Variants in SNX25 observed in about 807,000 individuals in gnomAD.
SNX25 encodes the protein sorting nexin-25.
Under a neutral mutation model 113.7 loss-of-function variants are expected in SNX25, and 62 were observed. The ratio of observed to expected loss-of-function variants is 0.55; its 90% CI spans 0.44 to 0.67. SNX25 has a LOEUF of 0.67. SNX25 is among the 30% of genes least tolerant of loss of function. The pLI, the probability that SNX25 is intolerant of heterozygous loss-of-function variation, is 0.00. For synonymous variants in SNX25, 421 were observed against 436.2 expected (o/e 0.97, Z 0.43); for missense variants, 1,014 against 1,161.0 (o/e 0.87, Z 1.84).
chr4:185,221,018 C>T (rs1739752163), intron 1 of SNX25, among the ~76,000 whole-genome samples: 1 of 151,796 alleles, frequency 6.6e-6, no homozygotes, highest in Admixed American at 6.6e-5. Flanking sequence ...AGGTGGGTGC[C>T]ACCACACCCA....
intron 7 of SNX25, among the ~76,000 whole-genome samples, chr4:185,314,936 A>G (rs867235161): frequency 6.6e-6 from 1 of 151,270 alleles, no homozygotes; most frequent in African/African-American, 2.4e-5. Flanking sequence ...ATAATAATCT[A>G]AAACCTTCCC....
chr4:185,220,701 C>T (rs112933308), intron 1 of SNX25, among the ~76,000 whole-genome samples: 2 of 151,850 alleles, frequency 1.3e-5, no homozygotes, highest in Non-Finnish European at 2.9e-5. Flanking sequence ...AGGATGGTCT[C>T]GATCTCCTGA....
At chr4:185,207,135 C>T (rs193139209), upstream of SNX25, among the ~76,000 whole-genome samples, 33 of 152,128 alleles carry the variant, frequency 2.2e-4, no homozygotes, top group Admixed American at 2.0e-3. Context: ...TGGGAAACAC[C>T]CAGAAATAAT....
intron 7 of SNX25, among the ~76,000 whole-genome samples, chr4:185,319,123 A>G (rs1277887661): frequency 1.1e-4 from 14 of 128,772 alleles, no homozygotes; most frequent in African/African-American, 3.8e-4. Flanking sequence ...TAAAGGACAT[A>G]TCATATTTAT....
At chr4:185,308,831 T>G (rs1386694520) in intron 6 of SNX25, among the ~76,000 whole-genome samples, 1 of 152,186 alleles carries the variant, frequency 6.6e-6, no homozygotes, top group African/African-American at 2.4e-5. Flanking sequence ...TCCCATGATG[T>G]CATTTACTAT....
chr4:185,339,852 A>G (rs2095250956), intron 11 of SNX25, among the ~76,000 whole-genome samples: 1 of 152,234 alleles, frequency 6.6e-6, no homozygotes, highest in African/African-American at 2.4e-5. Context: ...TGAAAAACTA[A>G]AAATGTAAGT....
chr4:185,333,487 G>A (rs2095209575), intron 10 of SNX25, among the ~76,000 whole-genome samples: 1 of 152,140 alleles, frequency 6.6e-6, no homozygotes, highest in South Asian at 2.1e-4. Flanking sequence ...TCTTTTTGTG[G>A]ACATTCAAAT....
intron 3 of SNX25, among the ~76,000 whole-genome samples, 164 bp from the exon 4 acceptor site, chr4:185,264,274 C>G (rs1381443063): frequency 6.6e-6 from 1 of 152,290 alleles, no homozygotes; most frequent in East Asian, 1.9e-4. Context: ...TTTATTCTAG[C>G]AAAAGTTTTC....
At chr4:185,247,150 A>C in intron 1 of SNX25, 144 bp from the exon 2 acceptor site, 1 of 576,208 alleles carries the variant, frequency 1.7e-6, no homozygotes, top group Non-Finnish European at 3.0e-6. Flanking sequence ...TTAAGCATTT[A>C]TTTACTTTTG....
chr4:185,221,772 G>A (rs1739899672), intron 1 of SNX25, among the ~76,000 whole-genome samples: 1 of 117,774 alleles, frequency 8.5e-6, no homozygotes, highest in Non-Finnish European at 1.8e-5. Flanking sequence ...TTTTCTGTCT[G>A]TAGGGACTTT....
chr4:185,378,536 G>A, the SNX25 span: 1 of 1,042,660 alleles, frequency 9.6e-7, no homozygotes, highest in Non-Finnish European at 1.2e-6. Flanking sequence ...GTGGGACCTG[G>A]TGACACTGCC....
At chr4:185,259,835 G>C (rs1747024823) in intron 3 of SNX25, among the ~76,000 whole-genome samples, 1 of 152,138 alleles carries the variant, frequency 6.6e-6, no homozygotes, top group Non-Finnish European at 1.5e-5. Flanking sequence ...GTATTTAGAT[G>C]GTGTCCCCCT....
intron 1 of SNX25, among the ~76,000 whole-genome samples, chr4:185,223,638 G>A (rs773338699): frequency 3.7e-4 from 56 of 152,098 alleles, no homozygotes; most frequent in Non-Finnish European, 6.6e-4. Context: ...AAAATTAGCC[G>A]GGCGTGGTGG....
intron 1 of SNX25, among the ~76,000 whole-genome samples, chr4:185,222,982 G>C (rs139285103): frequency 9.2e-5 from 14 of 152,172 alleles, no homozygotes; most frequent in South Asian, 4.1e-4. Flanking sequence ...GATGTTAAGT[G>C]GTAGCTTTTA....
chr4:185,222,419 G>A (rs953165230), intron 1 of SNX25, among the ~76,000 whole-genome samples: 3 of 151,298 alleles, frequency 2.0e-5, no homozygotes, highest in African/African-American at 7.3e-5. Flanking sequence ...CTCCCTCTCG[G>A]TAGGTATTCA....
intron 6 of SNX25, among the ~76,000 whole-genome samples, chr4:185,291,284 A>G (rs924580813): frequency 6.6e-6 from 1 of 152,180 alleles, no homozygotes; most frequent in Admixed American, 6.5e-5. Context: ...ACTGTTCTGT[A>G]GCCATCATTA....
At chr4:185,247,228 A>AT (rs550563470) in intron 1 of SNX25, 66 bp from the exon 2 acceptor site, 15,004 of 915,540 alleles carry the variant, frequency 0.016, no homozygotes, top group Middle Eastern at 0.018. Flanking sequence ...CATACCTTTG[A>AT]TTTTTTTTTT....
chr4:185,208,512 G>A (rs1486089317), upstream of SNX25, among the ~76,000 whole-genome samples: 1 of 151,684 alleles, frequency 6.6e-6, no homozygotes, highest in Admixed American at 6.6e-5. Context: ...GGCGGATCAC[G>A]AGGTCAGGAG....
intron 10 of SNX25, among the ~76,000 whole-genome samples, chr4:185,335,940 G>T (rs1309209045): frequency 1.3e-5 from 2 of 152,282 alleles, no homozygotes; most frequent in Admixed American, 1.3e-4. Context: ...TAGGCAAGGA[G>T]TGCTTCCTGT....
Sources: gnomAD v4.1 joint callset for allele counts (sites outside exome capture counted in the v4.1 genomes callset) on GRCh38, gnomAD v4.1.1 for gene constraint, MANE v1.5 for transcripts, NCBI Gene and HGNC (gene_info 2026-07-23, HGNC 2026-07-21) for gene names.